Variants in ARG1 observed in about 807,000 individuals in gnomAD.
ARG1 encodes arginase 1, also known as arginase-1.
A neutral mutation model predicts 33.0 loss-of-function variants in ARG1; 20 were observed. That is an observed-to-expected ratio of 0.61 (90% CI 0.43 to 0.88). ARG1 has a LOEUF of 0.88. Among genes scored for constraint, ARG1 ranks in the 40% least tolerant of loss-of-function variants. ARG1 has a pLI of 0.00. For synonymous variants in ARG1, 146 were observed against 140.6 expected (o/e 1.04, Z -0.27); for missense variants, 374 against 384.7 (o/e 0.97, Z 0.23).
chr6:131,581,484 C>G (rs1251743897), intron 4 of ARG1, 106 bp downstream of exon 4: 29 of 1,324,908 alleles, frequency 2.2e-5, no homozygotes, highest in Non-Finnish European at 2.9e-5. Context: ...TTGGTGTAAT[C>G]TCAAATCATT....
In ARG1 at chr6:131,577,846, G is replaced by A. The variant is rs567211156; in HGVS notation, c.130+1111G>A. Reference sequence around the variant, plus strand: ...CTTGAACCCGGAGGCAGAGGTTGCAGTGAGCTGAGATTGCGCCACTGCACC... The same window carrying A: ...CTTGAACCCGGAGGCAGAGGTTGCAATGAGCTGAGATTGCGCCACTGCACC... On this transcript the variant is annotated intron_variant, in intron 2 of 7. Transcript: ENST00000368087. Among the ~76,000 whole-genome samples, 9 of 151,106 alleles carry A rather than the reference G, an allele frequency of 6.0e-5. No homozygotes were observed. The South Asian group carries it at 1.9e-3, about 32-fold the overall frequency.
chr6:131,573,757 T>A (rs536616233), intron 1 of ARG1, among the ~76,000 whole-genome samples: 6 of 152,132 alleles, frequency 3.9e-5, no homozygotes, highest in African/African-American at 1.4e-4. Flanking sequence ...CCTAGAAAAA[T>A]TTAATAGTTT....
rs2114550847 is a variant in ARG1 at position 131,583,732 on chromosome 6, G to A, written c.803-10G>A. 1.2e-6 allele frequency: 2 copies of A among 1,612,548 alleles called. No homozygotes were observed. The highest frequency in any genetic ancestry group is 2.2e-5 in the East Asian group (1 of 44,806). ...TTTATAAATTACATTATTACAATTT[G>A]TTGTTGTAGGGCTACTCTCAGGATT... On this transcript the variant is annotated splice_polypyrimidine_tract_variant and intron_variant, in intron 7 of 7. Transcript: ENST00000368087.
At chr6:131,583,652 C>T (rs1774054817) in intron 7 of ARG1, 90 bp from the exon 8 acceptor site, 2 of 1,527,712 alleles carry the variant, frequency 1.3e-6, no homozygotes, top group Admixed American at 1.8e-5. Flanking sequence ...CTACCTTTTT[C>T]TGTTAGTGGA....
At chr6:131,579,882 T>C (rs950778990) in intron 3 of ARG1, among the ~76,000 whole-genome samples, 10 of 152,016 alleles carry the variant, frequency 6.6e-5, no homozygotes, top group African/African-American at 2.4e-4. Flanking sequence ...GAGAGACAGA[T>C]GTCTATGTTG....
At chr6:131,581,491 C>A (rs1004483510) in intron 4 of ARG1, 113 bp downstream of exon 4, 2 of 1,272,298 alleles carry the variant, frequency 1.6e-6, no homozygotes, top group Non-Finnish European at 2.2e-6. Context: ...AATCTCAAAT[C>A]ATTTTCTCTG....
intron 6 of ARG1, 33 bp downstream of exon 6, chr6:131,583,197 T>C (rs1211050738): frequency 6.2e-7 from 1 of 1,602,690 alleles, no homozygotes; most frequent in Admixed American, 1.7e-5. Flanking sequence ...CACATGTGTG[T>C]GCAACAGAAA....
At chr6:131,578,468 T>C (rs76770001) in intron 2 of ARG1, among the ~76,000 whole-genome samples, 4,015 of 152,220 alleles carry the variant, frequency 0.026, 86 homozygotes, top group Non-Finnish European at 0.041. Flanking sequence ...CCTTAGGAAT[T>C]TGGGGTTACC....
chr6:131,576,620 G>A (rs1208676360), intron 1 of ARG1, 43 bp from the exon 2 acceptor site: 2 of 1,549,388 alleles, frequency 1.3e-6, no homozygotes, highest in South Asian at 1.1e-5. Flanking sequence ...AGCATCTGAT[G>A]GTCATGATAA....
Position 131,583,902 on chromosome 6 carries a change from TAAGTAA to T in ARG1, c.965_*1del. 6.2e-7 allele frequency: 1 copy of T among 1,614,072 alleles called. No homozygotes were observed. Among genetic ancestry groups the T allele is most frequent in the Non-Finnish European group, 8.5e-7 (1 of 1,179,958 alleles). On this transcript the variant is annotated stop_lost and inframe_deletion, in exon 8 of 8. Transcript: ENST00000368087. ...AGCCTATTGACTACCTTAACCCACC[TAAGTAA>T]ATGTGGAAACATCCGATATAAATCT...
At chr6:131,574,133 C>T (rs1773500479) in intron 1 of ARG1, 3 of 849,798 alleles carry the variant, frequency 3.5e-6, no homozygotes, top group South Asian at 1.4e-5. Flanking sequence ...TAGACTTCAA[C>T]ACGCATCTGT....
At chr6:131,574,183 G>A in intron 1 of ARG1, 1 of 1,297,828 alleles carries the variant, frequency 7.7e-7, no homozygotes. Context: ...AATCAAACAA[G>A]ACAATGTATG....
Position 131,584,130 on chromosome 6 carries a change from CTT to C in ARG1, c.*223_*224del, listed in dbSNP as rs1774082880. 3.6e-6 allele frequency: 2 copies of C among 555,898 alleles called. No individual in the cohort carries two copies. Among genetic ancestry groups the C allele is most frequent in the African/African-American group, 1.9e-5 (1 of 52,686 alleles). 34.4% of individuals were successfully genotyped at this position (555,898 alleles called of 1,614,324 possible). A position where few individuals can be genotyped will look rare whatever the true frequency, so the allele number is the denominator to read the frequency against. On this transcript the variant is annotated 3_prime_UTR_variant, in exon 8 of 8. Coordinates refer to ENST00000368087, the MANE Select transcript of ARG1 (RefSeq NM_000045.4). ...TTATATTTTCTAACTTGGCAAAAGA[CTT>C]ATCCTTAGAAAGAGAAGTGTACATT...
At chr6:131,573,799 ATAACC>A (rs1326029105) in intron 1 of ARG1, among the ~76,000 whole-genome samples, 1 of 152,188 alleles carries the variant, frequency 6.6e-6, no homozygotes, top group Non-Finnish European at 1.5e-5. Context: ...TATAATTTGG[ATAACC>A]TAAATATTAT....
chr6:131,579,243 A>G lies in ARG1; in HGVS notation c.263A>G (p.Lys88Arg), dbSNP rs1242167030. ...CTGGCTGGCAAGGTGGCAGAAGTCA[A>G]GAAGAACGGAAGAATCAGCCTGGTG... is the stretch of plus-strand genomic sequence containing the variant. ...EQLAGKVAEV[K>R]KNGRISLVLG... The change falls in exon 3 of 8, where the codon AAG (lysine) becomes AGG (arginine). Residue 88 changes from lysine to arginine, a missense_variant. By Grantham distance (26) the Lys-to-Arg change is conservative (BLOSUM62 2). Coordinates refer to ENST00000368087, the MANE Select transcript of ARG1 (RefSeq NM_000045.4). 6.2e-7 allele frequency: 1 copy of G among 1,614,126 alleles called. No homozygotes were observed. The highest frequency in any genetic ancestry group is 1.7e-5 in the Admixed American group (1 of 60,018).
At chr6:131,578,041 T>C (rs553287848) in intron 2 of ARG1, among the ~76,000 whole-genome samples, 1 of 151,834 alleles carries the variant, frequency 6.6e-6, no homozygotes, top group Admixed American at 6.6e-5. Flanking sequence ...GACAAAAGCA[T>C]AGCAAAAGAA....
intron 1 of ARG1, chr6:131,573,970 C>A: frequency 2.6e-6 from 1 of 391,116 alleles, no homozygotes. Context: ...TGCGGGTTGG[C>A]AACTCTAAAA....
At chr6:131,573,737 G>A (rs1043500942) in intron 1 of ARG1, among the ~76,000 whole-genome samples, 9 of 152,156 alleles carry the variant, frequency 5.9e-5, no homozygotes, top group South Asian at 2.1e-4. Flanking sequence ...GTTTAGTTAT[G>A]TAATTAATGC....
rs1479102307 is a variant in ARG1 at position 131,583,935 on chromosome 6, A to T, written c.*27A>T. 14 of 1,568,596 alleles carry T rather than the reference A, an allele frequency of 8.9e-6. No homozygotes were observed. The highest frequency in any genetic ancestry group is 1.2e-5 in the Non-Finnish European group (14 of 1,140,000). ...TGTGGAAACATCCGATATAAATCTC[A>T]TAGTTAATGGCATAATTAGAAAGCT... On this transcript the variant is annotated 3_prime_UTR_variant, in exon 8 of 8. Coordinates refer to ENST00000368087, the MANE Select transcript of ARG1 (RefSeq NM_000045.4).
Sources: gnomAD v4.1 joint callset for allele counts (sites outside exome capture counted in the v4.1 genomes callset) on GRCh38, gnomAD v4.1.1 for gene constraint, MANE v1.5 for transcripts, NCBI Gene and HGNC (gene_info 2026-07-23, HGNC 2026-07-21) for gene names.